Variants in ZNF236 observed in about 807,000 individuals in gnomAD.
ZNF236 encodes regulated by glucose.
A neutral mutation model predicts 191.2 loss-of-function variants in ZNF236; 50 were observed. That is an observed-to-expected ratio of 0.26 (90% CI 0.21 to 0.33). The LOEUF is 0.33. Ranked by LOEUF, ZNF236 falls within the 10% of genes least tolerant of loss-of-function variation. The pLI, the probability that ZNF236 is intolerant of heterozygous loss-of-function variation, is 1.00. For missense variants in ZNF236, 1,754 were observed against 2,374.5 expected, an observed-to-expected ratio of 0.74 and a Z score of 5.43; for synonymous variants, 907 against 928.8, an observed-to-expected ratio of 0.98 and a Z score of 0.43.
At chr18:76,851,542 G>T (rs1975871121) in intron 2 of ZNF236, among the ~76,000 whole-genome samples, 1 of 152,114 alleles carries the variant, frequency 6.6e-6, no homozygotes, top group East Asian at 1.9e-4. Flanking sequence ...TTTCTTATTA[G>T]AAATATTTCT....
At chr18:76,905,052 A>G in intron 12 of ZNF236, 103 bp from the exon 13 acceptor site, 1 of 1,238,600 alleles carries the variant, frequency 8.1e-7, no homozygotes, top group East Asian at 2.5e-5. Flanking sequence ...AGCTTTAAAA[A>G]ATGTGATGAT....
intron 1 of ZNF236, among the ~76,000 whole-genome samples, chr18:76,823,916 C>T (rs543352482): frequency 7.9e-5 from 12 of 152,318 alleles, no homozygotes; most frequent in African/African-American, 2.4e-4. Context: ...GTCCCTGGTC[C>T]TGGTCACCCG....
chr18:76,907,834 G>A (rs775934227), intron 13 of ZNF236, among the ~76,000 whole-genome samples: 11 of 151,892 alleles, frequency 7.2e-5, no homozygotes, highest in East Asian at 1.9e-4. Context: ...CATTTGGATC[G>A]TTGGTCCAAT....
Position 76,915,722 on chromosome 18 carries a change from C to T in ZNF236, c.3137C>T (p.Thr1046Ile), listed in dbSNP as rs568015525. The T allele has an allele frequency of 6.2e-7, 1 of 1,614,152 alleles. No homozygotes were observed. Among genetic ancestry groups the T allele is most frequent in the African/African-American group, 1.3e-5 (1 of 75,018 alleles). The change falls in exon 19 of 31, where the codon ACA becomes ATA. Residue 1046 changes from threonine to isoleucine, a missense_variant. Thr to Ile is a moderately conservative substitution (Grantham distance 89). This residue lies in a region of ZNF236 where 641 missense variants were observed against 869.6 expected (regional missense o/e 0.74). Coordinates refer to ENST00000320610, the MANE Select transcript of ZNF236 (RefSeq NM_001306089.2). ...TNGSLTRHMATHMSMKPYKCP... is the reference protein window; with the variant it reads ...TNGSLTRHMAIHMSMKPYKCP... ...GGCAGCCTCACCCGGCACATGGCCA[C>T]ACATATGAGCATGAAGCCTTATAAG...
intron 4 of ZNF236, 54 bp from the exon 5 acceptor site, chr18:76,871,647 T>C (rs1183926114): frequency 5.0e-6 from 8 of 1,584,696 alleles, no homozygotes; most frequent in Non-Finnish European, 6.9e-6. Context: ...ATTTTGAAAT[T>C]ATGGTACAAG....
intron 1 of ZNF236, among the ~76,000 whole-genome samples, chr18:76,847,095 G>A (rs759288421): frequency 6.7e-6 from 1 of 148,676 alleles, no homozygotes; most frequent in Non-Finnish European, 1.5e-5. Flanking sequence ...GCCCGGCCTC[G>A]ACATCATTTT....
chr18:76,890,676 A>G (rs1461578596), intron 9 of ZNF236, among the ~76,000 whole-genome samples: 1 of 152,182 alleles, frequency 6.6e-6, no homozygotes, highest in Non-Finnish European at 1.5e-5. Flanking sequence ...CATTTTTCTT[A>G]CAAGGAGTAA....
At chr18:76,936,001 G>A (rs1328321243) in intron 25 of ZNF236, 5 of 457,072 alleles carry the variant, frequency 1.1e-5, no homozygotes, top group Non-Finnish European at 2.2e-5. Context: ...GTGCAGCACA[G>A]TGTGGGACCC....
In ZNF236 at chr18:76,968,608, A is replaced by C. The variant is rs1318122192; in HGVS notation, c.*269A>C. On this transcript the variant is annotated 3_prime_UTR_variant, in exon 31 of 31. Coordinates refer to ENST00000320610, the MANE Select transcript of ZNF236 (RefSeq NM_001306089.2). ...TTCCTCCTCAGTCTCCTCCGTGGCTAGTGTGTCTAGTTCACGAAGCAATTA... is the reference window on the plus strand; with the variant it reads ...TTCCTCCTCAGTCTCCTCCGTGGCTCGTGTGTCTAGTTCACGAAGCAATTA... The C allele has an allele frequency of 1.7e-6, 2 of 1,207,076 alleles. No homozygotes were observed. The highest frequency in any genetic ancestry group is 2.1e-6 in the Non-Finnish European group (2 of 971,304). 74.8% of individuals were successfully genotyped at this position (1,207,076 alleles called of 1,614,324 possible). A position where few individuals can be genotyped will look rare whatever the true frequency, so the allele number is the denominator to read the frequency against.
chr18:76,870,469 C>T (rs1401687342), intron 4 of ZNF236, among the ~76,000 whole-genome samples: 1 of 152,198 alleles, frequency 6.6e-6, no homozygotes, highest in Non-Finnish European at 1.5e-5. Context: ...GTCCTGGCTT[C>T]TAGGTCTTTC....
At chr18:76,855,182 C>T (rs1976007530) in intron 3 of ZNF236, among the ~76,000 whole-genome samples, 1 of 152,216 alleles carries the variant, frequency 6.6e-6, no homozygotes, top group South Asian at 2.1e-4. Context: ...CCTCAGCCTC[C>T]CAGAGTGCTG....
At chr18:76,894,874 A>T in intron 9 of ZNF236, 139 bp from the exon 10 acceptor site, 1 of 1,164,288 alleles carries the variant, frequency 8.6e-7, no homozygotes, top group Non-Finnish European at 1.2e-6. Context: ...AGCCCTCGAT[A>T]ATGTCAGTGA....
intron 30 of ZNF236, among the ~76,000 whole-genome samples, chr18:76,961,403 G>A (rs1968664610): frequency 8.5e-6 from 1 of 117,662 alleles, no homozygotes; most frequent in Non-Finnish European, 1.8e-5. Context: ...GTGTGTGTGT[G>A]TGTATTTATG....
At chr18:76,874,773 G>A (rs1420406049) in intron 5 of ZNF236, among the ~76,000 whole-genome samples, 1 of 314 alleles carries the variant, frequency 3.2e-3, no homozygotes, top group Admixed American at 0.05. Flanking sequence ...TCAGAGGCCC[G>A]GAAGTGGAGA....
At chr18:76,932,788 T>G (rs1337146953) in intron 25 of ZNF236, among the ~76,000 whole-genome samples, 2 of 152,240 alleles carry the variant, frequency 1.3e-5, no homozygotes, top group Non-Finnish European at 2.9e-5. Context: ...TTTGTGCCTC[T>G]TGGTGATCCT....
In ZNF236 at chr18:76,969,068, A is replaced by G. The variant is rs1968855465; in HGVS notation, c.*729A>G. ...ACACTTACCGCATCAATCTGTGTTC[A>G]GGTCCAGGGTTACATAATTGCAGAA... On this transcript the variant is annotated 3_prime_UTR_variant, in exon 31 of 31. Transcript: ENST00000320610. 1 of 790,920 alleles carries G rather than the reference A, an allele frequency of 1.3e-6. No individual in the cohort carries two copies. The highest frequency in any genetic ancestry group is 1.5e-6 in the Non-Finnish European group (1 of 651,758). The allele number at this position is 790,920 out of a possible 1,614,324, so 49.0% of individuals were successfully genotyped here.
At position 76,856,194 on chromosome 18, in the gene ZNF236, C is replaced by CT. The variant is rs553661574; in HGVS notation, c.363+4268dup. On this transcript the variant is annotated intron_variant, in intron 3 of 30. Transcript: ENST00000320610. ...CACTGTGCCCAGCCCATTTTCTTTT[C>CT]TTTTTTTTTTTTTGAGACAGAGTTT... Among the ~76,000 whole-genome samples the CT allele has an allele frequency of 2.0e-3, 285 of 144,614 alleles. 2 individuals carry two copies. In the South Asian group the frequency reaches 0.02, roughly 10 times the overall value. 94.9% of individuals were successfully genotyped at this position (144,614 alleles called of 152,430 possible).
chr18:76,956,021 C>G lies in ZNF236; in HGVS notation c.4951C>G (p.Gln1651Glu). 1.2e-6 allele frequency: 2 copies of G among 1,610,706 alleles called. No individual in the cohort carries two copies. Among genetic ancestry groups the G allele is most frequent in the African/African-American group, 2.7e-5 (2 of 75,000 alleles). Residue 1651 changes from glutamine to glutamate, a missense_variant, in exon 28 of 31, where the codon CAG becomes GAG. Coordinates refer to ENST00000320610, the MANE Select transcript of ZNF236 (RefSeq NM_001306089.2). ...CTCTGGGAACCTGGCCCCGGGCAACCAGCCAGAGAAGGAGGGCCGGGCGCA... is the reference window on the plus strand; with the variant it reads ...CTCTGGGAACCTGGCCCCGGGCAACGAGCCAGAGAAGGAGGGCCGGGCGCA... ...GVSGNLAPGN[Q>E]PEKEGRAHQC...
intron 9 of ZNF236, among the ~76,000 whole-genome samples, chr18:76,882,245 T>C (rs558812474): frequency 6.6e-6 from 1 of 152,302 alleles, no homozygotes; most frequent in Admixed American, 6.5e-5. Context: ...TTCAAGCATC[T>C]TCAGTGCTCC....
Sources: gnomAD v4.1 joint callset for allele counts (sites outside exome capture counted in the v4.1 genomes callset) on GRCh38, gnomAD v4.1.1 for gene constraint, gnomAD v4.1.1 regional missense constraint, MANE v1.5 for transcripts, NCBI Gene and HGNC (gene_info 2026-07-23, HGNC 2026-07-21) for gene names.